The following EIPR1 variants were observed in gnomAD, a reference collection of about 807,000 sequenced individuals.
EIPR1 encodes the protein EARP complex and GARP complex interacting protein 1.
EIPR1 carries 25 observed loss-of-function variants against 48.1 expected under a neutral mutation model. The ratio of observed to expected loss-of-function variants is 0.52; its 90% CI spans 0.38 to 0.73. EIPR1 has a LOEUF of 0.73. Ranked by LOEUF, EIPR1 falls within the 30% of genes least tolerant of loss-of-function variation. The pLI is 0.00. For synonymous variants in EIPR1, 204 were observed against 201.9 expected, an observed-to-expected ratio of 1.01 and a Z score of -0.09; for missense variants, 415 against 506.2, an observed-to-expected ratio of 0.82 and a Z score of 1.73.
intron 5 of EIPR1, chr2:3,208,452 T>C: frequency 6.7e-7 from 1 of 1,489,752 alleles, no homozygotes; most frequent in Non-Finnish European, 8.9e-7. Context: ...CTTCCGTCGT[T>C]AGCTTTCCTC....
intron 4 of EIPR1, among the ~76,000 whole-genome samples, chr2:3,231,803 G>A (rs1228367862): frequency 6.6e-6 from 1 of 152,164 alleles, no homozygotes; most frequent in Non-Finnish European, 1.5e-5. Flanking sequence ...TTCTCTTCTA[G>A]TAGTGTCTTT....
chr2:3,221,851 C>T (rs550707774), intron 4 of EIPR1, among the ~76,000 whole-genome samples: 2 of 152,336 alleles, frequency 1.3e-5, no homozygotes, highest in South Asian at 4.1e-4. Context: ...CACTCTAGAG[C>T]ATTTATAGAG....
chr2:3,299,630 A>ACACACC (rs1668709085), intron 3 of EIPR1, among the ~76,000 whole-genome samples: 1 of 148,946 alleles, frequency 6.7e-6, no homozygotes, highest in Non-Finnish European at 1.5e-5. Flanking sequence ...TCTCTCACAC[A>ACACACC]CACACACACA....
intron 4 of EIPR1, among the ~76,000 whole-genome samples, chr2:3,220,396 G>A (rs774518646): frequency 1.1e-4 from 17 of 151,346 alleles, no homozygotes; most frequent in Admixed American, 8.6e-4. Flanking sequence ...GCACACAATG[G>A]CTGTAGTACA....
At chr2:3,265,052 TAC>T (rs1162861184) in intron 3 of EIPR1, among the ~76,000 whole-genome samples, 1 of 25,868 alleles carries the variant, frequency 3.9e-5, no homozygotes, top group Non-Finnish European at 7.0e-5. Flanking sequence ...ATGAAAAATT[TAC>T]ATAGATTTTC....
At position 3,360,913 on chromosome 2, in the gene EIPR1, G is replaced by C. The variant is rs1261329323; in HGVS notation, c.43-6280C>G. ...GACCCTCAGGAAGAGGAAAGTATGG[G>C]GAAAGGGGAGGGGGAAGGAAGGGGA... On this transcript the variant is annotated intron_variant, in intron 1 of 8. Transcript: ENST00000382125. Among the ~76,000 whole-genome samples, 26 of 151,962 alleles carry C rather than the reference G, an allele frequency of 1.7e-4. 1 individual carries two copies. Among genetic ancestry groups the C allele is most frequent in the Admixed American group, 1.7e-3 (26 of 15,258 alleles).
chr2:3,237,568 T>A (rs1252837024), intron 4 of EIPR1, among the ~76,000 whole-genome samples: 1 of 152,062 alleles, frequency 6.6e-6, no homozygotes, highest in Non-Finnish European at 1.5e-5. Context: ...GTTTCAGGGG[T>A]CCGCTAGGGT....
chr2:3,269,861 T>C (rs1572380491), intron 3 of EIPR1, among the ~76,000 whole-genome samples: 2 of 152,224 alleles, frequency 1.3e-5, no homozygotes, highest in East Asian at 1.9e-4. Flanking sequence ...CGCAGCTGCA[T>C]TGCCTCTGTT....
At chr2:3,227,092 C>G (rs994827890) in intron 4 of EIPR1, among the ~76,000 whole-genome samples, 11 of 152,084 alleles carry the variant, frequency 7.2e-5, no homozygotes, top group Admixed American at 7.2e-4. Flanking sequence ...TGTAAAGACA[C>G]CCGAAAATGT....
At chr2:3,334,592 G>A (rs73910506) in intron 3 of EIPR1, among the ~76,000 whole-genome samples, 1,553 of 152,356 alleles carry the variant, frequency 0.01, 25 homozygotes, top group African/African-American at 0.032. Flanking sequence ...ACGTGGCGCC[G>A]TGTGTGCTTC....
At chr2:3,260,213 C>T (rs530015535) in intron 3 of EIPR1, among the ~76,000 whole-genome samples, 1 of 152,154 alleles carries the variant, frequency 6.6e-6, no homozygotes, top group African/African-American at 2.4e-5. Flanking sequence ...GAAGCAGTGG[C>T]CGGGCATGGT....
chr2:3,328,951 CA>C (rs1229051054), intron 3 of EIPR1, among the ~76,000 whole-genome samples: 9 of 121,394 alleles, frequency 7.4e-5, no homozygotes, highest in African/African-American at 1.0e-4. Flanking sequence ...CTAATGATCT[CA>C]GGGCACCAGC....
chr2:3,303,318 G>C (rs1229202124), intron 3 of EIPR1, among the ~76,000 whole-genome samples: 1 of 152,204 alleles, frequency 6.6e-6, no homozygotes, highest in Non-Finnish European at 1.5e-5. Flanking sequence ...GGCCAAGCTC[G>C]GAGCCTCACC....
At chr2:3,208,148 C>A in intron 5 of EIPR1, 1 of 185,982 alleles carries the variant, frequency 5.4e-6, no homozygotes, top group South Asian at 1.3e-4. Context: ...CACTAATCAG[C>A]TTTTGCAAAG....
chr2:3,269,602 CGCACTCAATCATCACAATCATCGCACTCA>C (rs1667633685), intron 3 of EIPR1, among the ~76,000 whole-genome samples: 6 of 74,940 alleles, frequency 8.0e-5, no homozygotes, highest in Non-Finnish European at 1.1e-4. Context: ...CGCACTCAAT[CGCACTCAATCATCACAATCATCGCACTCA>C]ATCATCACAC....
intron 5 of EIPR1, among the ~76,000 whole-genome samples, chr2:3,212,179 G>C (rs1665479698): frequency 6.6e-6 from 1 of 152,208 alleles, no homozygotes. Flanking sequence ...ATAAAAAAGG[G>C]GGAGAGAAAA....
intron 3 of EIPR1, among the ~76,000 whole-genome samples, chr2:3,333,424 C>G (rs1389840779): frequency 6.6e-6 from 1 of 152,150 alleles, no homozygotes; most frequent in Non-Finnish European, 1.5e-5. Context: ...GGCTGCGTCT[C>G]CTTTCCTCCC....
intron 4 of EIPR1, among the ~76,000 whole-genome samples, chr2:3,250,387 G>A (rs1666966381): frequency 6.6e-6 from 1 of 152,304 alleles, no homozygotes; most frequent in East Asian, 1.9e-4. Flanking sequence ...TCTTCCTTTT[G>A]GAATGAAAAT....
intron 3 of EIPR1, among the ~76,000 whole-genome samples, chr2:3,321,566 ACTT>A (rs1021825177): frequency 3.3e-5 from 5 of 152,174 alleles, no homozygotes; most frequent in African/African-American, 9.7e-5. Context: ...GCGAAAACCC[ACTT>A]CTTCTCTCAG....
Sources: gnomAD v4.1 joint callset for allele counts (sites outside exome capture counted in the v4.1 genomes callset) on GRCh38, gnomAD v4.1.1 for gene constraint, MANE v1.5 for transcripts, NCBI Gene and HGNC (gene_info 2026-07-23, HGNC 2026-07-21) for gene names.